The following ZSCAN5C variants were observed in gnomAD, a reference collection of about 807,000 sequenced individuals.
ZSCAN5C encodes zinc finger and SCAN domain containing 5C, also known as zinc finger and SCAN domain-containing protein 5C.
In ZSCAN5C, 11 loss-of-function variants were observed where a neutral mutation model predicts 17.3. That is an observed-to-expected ratio of 0.64 (90% CI 0.40 to 1.06). The LOEUF (loss-of-function observed/expected upper bound fraction) is 1.06, where lower values mean the gene tolerates loss of function less well. Ranked by LOEUF, ZSCAN5C falls within the 50% of genes least tolerant of loss-of-function variation. The pLI, the probability that ZSCAN5C is intolerant of heterozygous loss-of-function variation, is 0.00. For missense variants in ZSCAN5C, 698 were observed against 538.9 expected, an observed-to-expected ratio of 1.30 and a Z score of -2.92; for synonymous variants, 229 against 208.4, an observed-to-expected ratio of 1.10 and a Z score of -0.85.
intron 3 of ZSCAN5C, 72 bp from the exon 4 acceptor site, chr19:56,207,962 T>C (rs1447389002): frequency 4.6e-6 from 3 of 655,538 alleles, no homozygotes; most frequent in East Asian, 5.4e-5. Context: ...GTGCATCCAG[T>C]CAGGAAAAAG....
chr19:56,203,777 G>A (rs953570090), intron 1 of ZSCAN5C, among the ~76,000 whole-genome samples: 1 of 150,426 alleles, frequency 6.6e-6, no homozygotes, highest in Non-Finnish European at 1.5e-5. Context: ...AGCTTCCCAA[G>A]TAGCTGGGAT....
At chr19:56,207,189 T>C (rs780610359) in exon 3 of ZSCAN5C, 90 of 778,522 alleles carry the variant, frequency 1.2e-4, no homozygotes, top group Non-Finnish European at 2.0e-4. Flanking sequence ...GTGAACCAGA[T>C]GTGTCCGGAG....
chr19:56,208,832 A>G, exon 5 of ZSCAN5C: 2 of 1,556,680 alleles, frequency 1.3e-6, no homozygotes, highest in Non-Finnish European at 1.8e-6. Context: ...AGCCGTCCAC[A>G]CGAGATCACA....
chr19:56,208,043 T>A (rs745870709), exon 4 of ZSCAN5C: 4 of 734,962 alleles, frequency 5.4e-6, no homozygotes, highest in Non-Finnish European at 1.0e-5. Flanking sequence ...GGAAGAGGAC[T>A]TCCTGCTGCC....
chr19:56,206,623 C>A (rs1341352866), intron 2 of ZSCAN5C, among the ~76,000 whole-genome samples: 1 of 151,698 alleles, frequency 6.6e-6, no homozygotes, highest in Non-Finnish European at 1.5e-5. Flanking sequence ...GGGACCCACA[C>A]ACTGTGTGAG....
Position 56,202,500 on chromosome 19 carries a change from C to T in ZSCAN5C, c.-128+178C>T, listed in dbSNP as rs1348399472. 3.9e-5 allele frequency among the ~76,000 whole-genome samples: 6 copies of T among 151,902 alleles called. 1 individual carries two copies. The highest frequency in any genetic ancestry group is 9.7e-5 in the African/African-American group (4 of 41,176). ...CGGACACCTTGTGAAGGCAGTGGGTCTGCTTTGCACCCTATTATTTATTCT... is the reference window on the plus strand; with the variant it reads ...CGGACACCTTGTGAAGGCAGTGGGTTTGCTTTGCACCCTATTATTTATTCT... On this transcript the variant is annotated intron_variant, in intron 1 of 4. Transcript: ENST00000534327.
intron 1 of ZSCAN5C, 95 bp from the exon 2 acceptor site, chr19:56,205,692 G>C: frequency 1.9e-6 from 1 of 533,554 alleles, no homozygotes; most frequent in Non-Finnish European, 3.3e-6. Context: ...CAATGCTAGA[G>C]GGGAAGTGGG....
At chr19:56,208,137 A>G (rs761028541) in exon 4 of ZSCAN5C, 3 of 779,582 alleles carry the variant, frequency 3.8e-6, no homozygotes, top group Non-Finnish European at 7.2e-6. Context: ...GACAGGGAGG[A>G]GAACCCAGGA....
exon 5 of ZSCAN5C, chr19:56,209,007 G>A (rs746423327): frequency 6.2e-7 from 1 of 1,613,216 alleles, no homozygotes; most frequent in South Asian, 1.1e-5. Flanking sequence ...CACAAGAGAA[G>A]CCACACAGGG....
rs181610503 is a variant in ZSCAN5C at position 56,207,998 on chromosome 19, G to T, written c.589-36G>T. On this transcript the variant is annotated intron_variant, in intron 3 of 4. Coordinates refer to ENST00000534327, the Ensembl canonical transcript of ZSCAN5C. Reference sequence around the variant, plus strand: ...CAGACATGTCCTTCCACCGGTTTAGGCATGGCAGTCATTGCTGTTGGTTTT... The same window carrying T: ...CAGACATGTCCTTCCACCGGTTTAGTCATGGCAGTCATTGCTGTTGGTTTT... The T allele has an allele frequency of 1.6e-5, 11 of 701,046 alleles. 1 individual carries two copies. In the African/African-American group the frequency reaches 1.9e-4, roughly 12 times the overall value. 43.4% of individuals were successfully genotyped at this position (701,046 alleles called of 1,614,324 possible).
exon 3 of ZSCAN5C, chr19:56,207,087 A>G (rs1216248810): frequency 2.7e-6 from 2 of 738,756 alleles, no homozygotes; most frequent in Admixed American, 3.8e-5. Context: ...GGCAAGGAAT[A>G]TCTTATGCAG....
exon 2 of ZSCAN5C, chr19:56,206,095 C>T (rs2032918353): frequency 2.5e-6 from 4 of 1,608,860 alleles, no homozygotes. Context: ...CCCATCCAGG[C>T]TCTGAGGAAA....
In ZSCAN5C at chr19:56,208,102, G is replaced by A. The variant is rs567145739; in HGVS notation, c.657G>A (p.Pro219=). Residue 219 remains proline, a synonymous_variant, in exon 4 of 5, where the codon CCG becomes CCA. Transcript: ENST00000534327. ...ACCCAAAGGCTCTGAGACCCAAGCC[G>A]ACCTTGGAGAAGGACCTGGAGGAAG... 1.1e-4 allele frequency: 88 copies of A among 774,712 alleles called. 2 individuals carry two copies. Among genetic ancestry groups the A allele is most frequent in the South Asian group, 8.1e-4 (60 of 73,924 alleles). 48.0% of individuals were successfully genotyped at this position (774,712 alleles called of 1,614,324 possible).
chr19:56,205,998 C>A, exon 2 of ZSCAN5C: 1 of 1,601,564 alleles, frequency 6.2e-7, no homozygotes, highest in Non-Finnish European at 8.6e-7. Flanking sequence ...CATGCCATCC[C>A]CAGCAACTCA....
rs774926566 is a variant in ZSCAN5C at position 56,205,906 on chromosome 19, C to T, written c.-8C>T. On this transcript the variant is annotated 5_prime_UTR_variant, in exon 2 of 5. Coordinates refer to ENST00000534327, the Ensembl canonical transcript of ZSCAN5C. ...CCCAGAGACAGATTGAAATATTCCCCAGTAGACATGGCTGCAAATTGCACA... is the reference window on the plus strand; with the variant it reads ...CCCAGAGACAGATTGAAATATTCCCTAGTAGACATGGCTGCAAATTGCACA... 3 of 1,077,554 alleles carry T rather than the reference C, an allele frequency of 2.8e-6. No individual in the cohort carries two copies. In the East Asian group the frequency reaches 7.2e-5, roughly 26 times the overall value. 66.7% of individuals were successfully genotyped at this position (1,077,554 alleles called of 1,614,324 possible).
exon 4 of ZSCAN5C, chr19:56,208,055 G>A (rs2032943354): frequency 4.0e-6 from 3 of 747,058 alleles, no homozygotes; most frequent in South Asian, 1.4e-5. Context: ...CCTGCTGCCA[G>A]AGACTACTGT....
intron 1 of ZSCAN5C, among the ~76,000 whole-genome samples, chr19:56,204,991 C>A (rs566442570): frequency 6.4e-5 from 9 of 141,730 alleles, no homozygotes; most frequent in Non-Finnish European, 1.2e-4. Flanking sequence ...GAGCACTAGA[C>A]TTTAAATCCA....
At position 56,208,562 on chromosome 19, in the gene ZSCAN5C, A is replaced by T. The variant is rs539231454; in HGVS notation, c.853A>T (p.Ser285Cys). The change falls in exon 5 of 5, where the codon AGC (serine) becomes TGC (cysteine). Residue 285 changes from serine to cysteine, a missense_variant. Transcript: ENST00000534327. ...TGTGGAGAGAGAAGCTTCGACTCAC[A>T]GCGGGAGCAGAGGAGACGCTCTGAA... 3.8e-6 allele frequency: 6 copies of T among 1,591,546 alleles called. No individual in the cohort carries two copies. In the Admixed American group the frequency reaches 8.3e-5, roughly 22 times the overall value.
Position 56,208,848 on chromosome 19 carries a change from G to A in ZSCAN5C, c.1139G>A (p.Gly380Asp), listed in dbSNP as rs751390278. ...GCCGTCCACACGAGATCACACACAGGCGAGAGACTCTTTCAGTGTAATCTC... is the reference window on the plus strand; with the variant it reads ...GCCGTCCACACGAGATCACACACAGACGAGAGACTCTTTCAGTGTAATCTC... Residue 380 changes from glycine to aspartate, a missense_variant, in exon 5 of 5, where the codon GGC (glycine) becomes GAC (aspartate). Transcript: ENST00000534327. 5.8e-6 allele frequency: 9 copies of A among 1,562,772 alleles called. No homozygotes were observed. In the South Asian group the frequency reaches 7.8e-5, roughly 14 times the overall value.
Sources: allele counts gnomAD v4.1 joint callset (sites outside exome capture counted in the v4.1 genomes callset), GRCh38; gene constraint gnomAD v4.1.1; transcripts MANE v1.5; gene names NCBI Gene and HGNC (gene_info 2026-07-23, HGNC 2026-07-21).